OSBPL1A: variants seen among roughly 807,000 people sequenced by gnomAD.
The protein encoded by OSBPL1A is oxysterol binding protein like 1A.
In OSBPL1A, 80 loss-of-function variants were observed where a neutral mutation model predicts 137.1. The observed-to-expected ratio is 0.58, with a 90% CI of 0.49 to 0.70. The LOEUF is 0.70. Among genes scored for constraint, OSBPL1A ranks in the 30% least tolerant of loss-of-function variants. The pLI is 0.00. For missense variants in OSBPL1A, 970 were observed against 1,129.4 expected (o/e 0.86, Z 2.02); for synonymous variants, 365 against 389.7 (o/e 0.94, Z 0.75).
chr18:24,245,263 T>A (rs942544252), intron 15 of OSBPL1A, among the ~76,000 whole-genome samples: 2 of 151,320 alleles, frequency 1.3e-5, no homozygotes, highest in African/African-American at 4.9e-5. Flanking sequence ...GCCTAGCTAA[T>A]TTTTTTTTCG....
At chr18:24,385,140 G>C (rs1024418360) in intron 1 of OSBPL1A, among the ~76,000 whole-genome samples, 2 of 151,940 alleles carry the variant, frequency 1.3e-5, no homozygotes, top group African/African-American at 4.8e-5. Flanking sequence ...ATTTTTAGTA[G>C]AGACAGGGTT....
At chr18:24,257,501 T>C (rs993048802) in intron 15 of OSBPL1A, among the ~76,000 whole-genome samples, 8 of 152,150 alleles carry the variant, frequency 5.3e-5, no homozygotes. Flanking sequence ...AGGACTTAAA[T>C]CTAAGACCTC....
At chr18:24,180,670 C>G (rs1410258949) in intron 19 of OSBPL1A, among the ~76,000 whole-genome samples, 1 of 152,098 alleles carries the variant, frequency 6.6e-6, no homozygotes, top group Non-Finnish European at 1.5e-5. Context: ...GTCAGGAGAT[C>G]GAGACCATCC....
At chr18:24,207,098 C>T (rs1445215151) in intron 17 of OSBPL1A, among the ~76,000 whole-genome samples, 3 of 152,156 alleles carry the variant, frequency 2.0e-5, no homozygotes, top group Admixed American at 2.0e-4. Context: ...AAGAACACAA[C>T]AATCATTTTC....
intron 24 of OSBPL1A, among the ~76,000 whole-genome samples, chr18:24,169,468 T>C (rs73408107): frequency 0.041 from 6,205 of 152,306 alleles, 330 homozygotes; most frequent in African/African-American, 0.13. Context: ...GAAATGACTT[T>C]ATCAGTCTTT....
intron 15 of OSBPL1A, among the ~76,000 whole-genome samples, chr18:24,253,265 G>A (rs55964237): frequency 6.7e-6 from 1 of 150,130 alleles, no homozygotes; most frequent in African/African-American, 2.4e-5. Context: ...GAGTGAAAAC[G>A]AAGGGATAGA....
In OSBPL1A at chr18:24,271,794, G is replaced by A. The variant is rs1409585558; in HGVS notation, c.1281+9048C>T. The A allele has an allele frequency of 1.5e-5, 15 of 985,392 alleles. No individual in the cohort carries two copies. Among genetic ancestry groups the A allele is most frequent in the South Asian group, 4.7e-5 (1 of 21,284 alleles). The allele number at this position is 985,392 out of a possible 1,614,324, so 61.0% of individuals were successfully genotyped here. ...CAAGGTCTCCCTAAGTCACCTTTGC[G>A]CAGCCTGCCCCTGGCTCCGGCCGGG... is the stretch of plus-strand genomic sequence containing the variant. On this transcript the variant is annotated intron_variant, in intron 15 of 27. Transcript: ENST00000319481. The surrounding 1 kb of genome is among the most constrained non-coding windows in gnomAD (Gnocchi z 4.0).
chr18:24,360,001 G>A (rs1260537682), intron 4 of OSBPL1A, among the ~76,000 whole-genome samples: 2 of 152,114 alleles, frequency 1.3e-5, no homozygotes, highest in Non-Finnish European at 2.9e-5. Flanking sequence ...GAGTTTCGCT[G>A]TGGTCACCCA....
At chr18:24,325,631 AGCACATAT>A (rs2090960976) in intron 7 of OSBPL1A, among the ~76,000 whole-genome samples, 1 of 152,312 alleles carries the variant, frequency 6.6e-6, no homozygotes, top group East Asian at 1.9e-4. Flanking sequence ...ATGGCCTGAC[AGCACATAT>A]GCATTTATTT....
intron 7 of OSBPL1A, among the ~76,000 whole-genome samples, chr18:24,332,174 G>A (rs534788498): frequency 4.0e-5 from 6 of 151,820 alleles, no homozygotes; most frequent in South Asian, 2.1e-4. Context: ...TCAGGAGTTC[G>A]AGACCAGCCT....
Position 24,294,514 on chromosome 18 carries a change from G to A in OSBPL1A, c.1174+9123C>T, listed in dbSNP as rs138678126. 5.0e-3 allele frequency among the ~76,000 whole-genome samples: 755 copies of A among 152,220 alleles called. 7 individuals carry two copies. Among genetic ancestry groups the A allele is most frequent in the African/African-American group, 0.017 (724 of 41,530 alleles). ...CTCCCAAAGTGCTGGGATTACAGGC[G>A]TGAGCCACTGTGCCCGGTCCAATAT... is the stretch of plus-strand genomic sequence containing the variant. On this transcript the variant is annotated intron_variant, in intron 14 of 27. Transcript: ENST00000319481.
chr18:24,210,053 T>C (rs2087486459), intron 17 of OSBPL1A, among the ~76,000 whole-genome samples: 2 of 152,210 alleles, frequency 1.3e-5, no homozygotes, highest in South Asian at 2.1e-4. Flanking sequence ...AAAGAAACTA[T>C]AATGTAATGT....
chr18:24,341,597 T>G lies in OSBPL1A; in HGVS notation c.344A>C (p.Gln115Pro), dbSNP rs1318051627. 2 of 1,613,502 alleles carry G rather than the reference T, an allele frequency of 1.2e-6. No individual in the cohort carries two copies. The change falls in exon 5 of 28, where the codon CAG becomes CCG. Residue 115 changes from glutamine (Q) to proline (P), a missense_variant. Coordinates refer to ENST00000319481, the MANE Select transcript of OSBPL1A (RefSeq NM_080597.4). ...AGCATGAGTAACTTCTTTTGCTGTC[T>G]GTCCACTCCCATTAACAATAGTAGT... ...ADTTIVNGSG[Q>P]TAKEVTHAEE...
At chr18:24,393,374 C>T (rs942939470) in intron 1 of OSBPL1A, among the ~76,000 whole-genome samples, 5 of 152,194 alleles carry the variant, frequency 3.3e-5, no homozygotes, top group African/African-American at 1.2e-4. Flanking sequence ...AGTTACTTGC[C>T]AAGTATTAAC....
chr18:24,212,093 T>C (rs981894750), intron 17 of OSBPL1A, among the ~76,000 whole-genome samples: 3 of 151,530 alleles, frequency 2.0e-5, no homozygotes, highest in Admixed American at 1.3e-4. Context: ...TTTTGAGAGA[T>C]AGTCTCGCTC....
chr18:24,377,271 C>T (rs1906250870), intron 2 of OSBPL1A, 142 bp downstream of exon 2: 6 of 1,017,102 alleles, frequency 5.9e-6, no homozygotes, highest in Non-Finnish European at 6.8e-6. Context: ...CTAGGAGAGA[C>T]ATTTCCTCCA....
At chr18:24,338,421 G>A (rs895135479) in intron 5 of OSBPL1A, among the ~76,000 whole-genome samples, 3 of 152,062 alleles carry the variant, frequency 2.0e-5, no homozygotes, top group Non-Finnish European at 4.4e-5. Flanking sequence ...GAAGAAGGCT[G>A]CGTTAGTAAT....
At chr18:24,316,013 C>G (rs1293051191) in intron 11 of OSBPL1A, among the ~76,000 whole-genome samples, 1 of 149,708 alleles carries the variant, frequency 6.7e-6, no homozygotes, top group African/African-American at 2.5e-5. Context: ...ATAATCCCAG[C>G]ACTTTGGTAG....
intron 7 of OSBPL1A, among the ~76,000 whole-genome samples, chr18:24,323,324 G>A (rs983431344): frequency 1.3e-5 from 2 of 150,904 alleles, no homozygotes; most frequent in Middle Eastern, 3.6e-3. Flanking sequence ...AGGCTGAGGT[G>A]GGTGGATCGC....
Sources: gnomAD v4.1 joint callset for allele counts (sites outside exome capture counted in the v4.1 genomes callset) on GRCh38, gnomAD v4.1.1 for gene constraint, Gnocchi (gnomAD v3.1) non-coding constraint, MANE v1.5 for transcripts, NCBI Gene and HGNC (gene_info 2026-07-23, HGNC 2026-07-21) for gene names.